The following UBASH3B variants were observed in gnomAD, a reference collection of about 807,000 sequenced individuals.
UBASH3B encodes ubiquitin associated and SH3 domain containing B, also known as ubiquitin-associated and SH3 domain-containing protein B.
In UBASH3B, 37 loss-of-function variants were observed where a neutral mutation model predicts 83.4. That is an observed-to-expected ratio of 0.44 (90% confidence interval 0.34 to 0.58). The LOEUF (loss-of-function observed/expected upper bound fraction) is 0.58. Ranked by LOEUF, UBASH3B falls within the 20% of genes least tolerant of loss-of-function variation. The pLI, the probability that UBASH3B is intolerant of heterozygous loss-of-function variation, is 0.01. For synonymous variants in UBASH3B, 304 were observed against 318.3 expected, an observed-to-expected ratio of 0.96 and a Z score of 0.48; for missense variants, 657 against 827.2, an observed-to-expected ratio of 0.79 and a Z score of 2.52.
chr11:122,694,330 A>G (rs4936721), intron 1 of UBASH3B, among the ~76,000 whole-genome samples: 142,312 of 152,154 alleles, frequency 0.94, 66,596 homozygotes, highest in East Asian at 1. Flanking sequence ...AGTGGTACTA[A>G]TTTTCTGTTT....
At chr11:122,657,095 C>A (rs561535137) in intron 1 of UBASH3B, among the ~76,000 whole-genome samples, 2 of 152,338 alleles carry the variant, frequency 1.3e-5, no homozygotes, top group South Asian at 4.1e-4. Context: ...AGGCCCTTCT[C>A]CCCTGGTTAA....
intron 1 of UBASH3B, among the ~76,000 whole-genome samples, chr11:122,767,983 CTT>C (rs908161415): frequency 2.1e-4 from 32 of 152,280 alleles, no homozygotes; most frequent in Admixed American, 2.1e-3. Flanking sequence ...ATAAATGACT[CTT>C]GACTTGTAGC....
chr11:122,773,357 G>T (rs569071499), intron 1 of UBASH3B, among the ~76,000 whole-genome samples: 1 of 152,262 alleles, frequency 6.6e-6, no homozygotes, highest in Non-Finnish European at 1.5e-5. Flanking sequence ...CTGGCAGTGG[G>T]TGAAGGGCCA....
Position 122,806,348 on chromosome 11 carries a change from A to G in UBASH3B, c.1596-62A>G. On this transcript the variant is annotated intron_variant, in intron 11 of 13. Coordinates refer to ENST00000284273, the MANE Select transcript of UBASH3B (RefSeq NM_032873.5). The surrounding 1 kb of genome is among the most constrained non-coding windows in gnomAD (Gnocchi z 4.0). ...TGCCTTGAAATAAAAGTTTAGAGTG[A>G]TATCTTCCTTTGTCTCAAGATCAAA... 7.2e-7 allele frequency: 1 copy of G among 1,385,238 alleles called. No individual in the cohort carries two copies. The allele number at this position is 1,385,238 out of a possible 1,614,324, so 85.8% of individuals were successfully genotyped here.
At chr11:122,809,118 AG>A (rs1190550381) in intron 13 of UBASH3B, among the ~76,000 whole-genome samples, 1 of 151,554 alleles carries the variant, frequency 6.6e-6, no homozygotes, top group Non-Finnish European at 1.5e-5. Context: ...TCTGTCACCC[AG>A]GCTAGAGCAC....
chr11:122,792,469 C>T (rs369712657), intron 6 of UBASH3B, among the ~76,000 whole-genome samples: 3 of 151,938 alleles, frequency 2.0e-5, no homozygotes, highest in African/African-American at 7.3e-5. Context: ...CAGGTGTGTG[C>T]CACCACGCCC....
At position 122,759,064 on chromosome 11, in the gene UBASH3B, C is replaced by T. The variant is rs539894238; in HGVS notation, c.162-17155C>T. On this transcript the variant is annotated intron_variant, in intron 1 of 13. Coordinates refer to ENST00000284273, the MANE Select transcript of UBASH3B (RefSeq NM_032873.5). This position sits in a 1 kb window ranked among gnomAD's most constrained non-coding sequence, Gnocchi z 4.1. ...TGACTGGGTTCTCTGCTCAGTCTTA[C>T]AAGATTGCAGTCAAGGTGTTGGCCA... Among the ~76,000 whole-genome samples the T allele has an allele frequency of 5.3e-5, 8 of 152,334 alleles. No individual in the cohort carries two copies. In the East Asian group the frequency reaches 1.5e-3, roughly 29 times the overall value.
chr11:122,757,975 G>A (rs1194774435), intron 1 of UBASH3B, among the ~76,000 whole-genome samples: 1 of 152,026 alleles, frequency 6.6e-6, no homozygotes, highest in African/African-American at 2.4e-5. Flanking sequence ...CAAAGTGCTG[G>A]GATTACAGGC....
intron 5 of UBASH3B, among the ~76,000 whole-genome samples, chr11:122,785,330 G>C (rs1300195111): frequency 6.6e-6 from 1 of 152,186 alleles, no homozygotes; most frequent in Non-Finnish European, 1.5e-5. Flanking sequence ...TGAGCCGTCT[G>C]CACACGTAAC....
chr11:122,711,523 A>T (rs1864191278), intron 1 of UBASH3B, among the ~76,000 whole-genome samples: 1 of 152,230 alleles, frequency 6.6e-6, no homozygotes, highest in Non-Finnish European at 1.5e-5. Flanking sequence ...AAGGCCGGGC[A>T]CTGGCAGCCT....
chr11:122,683,324 T>C (rs1204187191), intron 1 of UBASH3B, among the ~76,000 whole-genome samples: 5 of 151,420 alleles, frequency 3.3e-5, no homozygotes, highest in East Asian at 3.9e-4. Context: ...ATTTAAATTA[T>C]GACCACAGGG....
chr11:122,674,547 A>AT (rs1329185108), intron 1 of UBASH3B, among the ~76,000 whole-genome samples: 3 of 151,414 alleles, frequency 2.0e-5, no homozygotes, highest in Non-Finnish European at 4.4e-5. Context: ...CACCCGGCTA[A>AT]TTTTTTTGCA....
At chr11:122,757,655 G>T (rs575436357) in intron 1 of UBASH3B, among the ~76,000 whole-genome samples, 7 of 151,774 alleles carry the variant, frequency 4.6e-5, no homozygotes, top group African/African-American at 1.2e-4. Flanking sequence ...GCTCAGGAGG[G>T]GTAAGAGTTC....
intron 1 of UBASH3B, among the ~76,000 whole-genome samples, chr11:122,729,407 T>C (rs1404437056): frequency 6.6e-6 from 1 of 152,086 alleles, no homozygotes; most frequent in East Asian, 1.9e-4. Flanking sequence ...AGGACCTTCA[T>C]TGGCCCTGAT....
intron 1 of UBASH3B, among the ~76,000 whole-genome samples, chr11:122,703,653 G>A (rs932232210): frequency 6.6e-6 from 1 of 152,162 alleles, no homozygotes; most frequent in Non-Finnish European, 1.5e-5. Context: ...TCTGAGACTC[G>A]AGGGTTAAAC....
chr11:122,783,043 C>CT lies in UBASH3B; in HGVS notation c.602-5dup. 1 of 1,606,258 alleles carries CT rather than the reference C, an allele frequency of 6.2e-7. No homozygotes were observed. Among genetic ancestry groups the CT allele is most frequent in the African/African-American group, 1.3e-5 (1 of 74,462 alleles). On this transcript the variant is annotated splice_polypyrimidine_tract_variant and intron_variant, in intron 4 of 13. Coordinates refer to ENST00000284273, the MANE Select transcript of UBASH3B (RefSeq NM_032873.5). Reference sequence around the variant, plus strand: ...CTTTTAATTACTGACCTTTTTCTTCCTTTTTCCAGAAGTGCATGTGGAACC... The same window carrying CT: ...CTTTTAATTACTGACCTTTTTCTTCCTTTTTTCCAGAAGTGCATGTGGAACC...
rs140122461 is a variant in UBASH3B, at chr11:122,661,135, T to C, written c.161+4925T>C. Among the ~76,000 whole-genome samples, 1,015 of 152,322 alleles carry C rather than the reference T, an allele frequency of 6.7e-3. 10 individuals carry two copies. The highest frequency in any genetic ancestry group is 0.041 in the Middle Eastern group (12 of 294). On this transcript the variant is annotated intron_variant, in intron 1 of 13. Coordinates refer to ENST00000284273, the MANE Select transcript of UBASH3B (RefSeq NM_032873.5). ...GAGGTGAGATGGTGGTTGAGGTGTC[T>C]GGCGAGGATTTACGTGTATTATTGG...
At chr11:122,803,269 C>G (rs1449844126) in intron 11 of UBASH3B, among the ~76,000 whole-genome samples, 4 of 152,104 alleles carry the variant, frequency 2.6e-5, no homozygotes, top group African/African-American at 9.7e-5. Flanking sequence ...AGTTTAATTC[C>G]CTATGAAATT....
chr11:122,747,913 G>T (rs1180829556), intron 1 of UBASH3B, among the ~76,000 whole-genome samples: 2 of 152,162 alleles, frequency 1.3e-5, no homozygotes, highest in Non-Finnish European at 2.9e-5. Context: ...TGTGTAACAG[G>T]GATAATAATG....
Sources: allele counts gnomAD v4.1 joint callset (sites outside exome capture counted in the v4.1 genomes callset), GRCh38; gene constraint gnomAD v4.1.1; non-coding constraint Gnocchi (gnomAD v3.1); transcripts MANE v1.5; gene names NCBI Gene and HGNC (gene_info 2026-07-23, HGNC 2026-07-21).